Variants in FABP12 observed in about 807,000 individuals in gnomAD.
FABP12 encodes the protein fatty acid binding protein 12, also known as fatty acid-binding protein 12.
Under a neutral mutation model 13.7 loss-of-function variants are expected in FABP12, and 19 were observed. The ratio of observed to expected loss-of-function variants is 1.39; its 90% CI spans 0.97 to 2.04. The LOEUF is 2.04. FABP12 is among the 30% of genes most tolerant of loss of function. The probability of loss-of-function intolerance (pLI) is 0.00; values close to 1 mark genes in which losing one functional copy is unlikely to be tolerated. For synonymous variants in FABP12, 61 were observed against 57.0 expected (o/e 1.07, Z -0.32); for missense variants, 182 against 164.2 (o/e 1.11, Z -0.59).
chr8:81,561,485 C>T (rs1412449545), intron 1 of FABP12, among the ~76,000 whole-genome samples: 1 of 152,140 alleles, frequency 6.6e-6, no homozygotes, highest in Non-Finnish European at 1.5e-5. Flanking sequence ...GAACAACTAT[C>T]CACACATAAA....
intron 1 of FABP12, among the ~76,000 whole-genome samples, chr8:81,566,809 A>G (rs74798895): frequency 0.016 from 2,391 of 152,246 alleles, 55 homozygotes; most frequent in African/African-American, 0.054. Flanking sequence ...TCCTAGCTAG[A>G]GCAATCAGAC....
chr8:81,561,580 G>A lies in FABP12; in HGVS notation c.-184-21837C>T, dbSNP rs76649919. Among the ~76,000 whole-genome samples the A allele has an allele frequency of 9.2e-4, 140 of 152,318 alleles. 1 individual carries two copies. Among genetic ancestry groups the A allele is most frequent in the South Asian group, 8.1e-3 (39 of 4,820 alleles). ...ATCACTGAGAGAGGCACTGAAGAGGGTAGGAAAGACAGTCTTGAATCACCA... is the reference window on the plus strand; with the variant it reads ...ATCACTGAGAGAGGCACTGAAGAGGATAGGAAAGACAGTCTTGAATCACCA... On this transcript the variant is annotated intron_variant, in intron 1 of 5. Transcript: ENST00000692030.
Position 81,540,448 on chromosome 8 carries a change from G to A in FABP12, c.-184-705C>T, listed in dbSNP as rs928775400. 7.9e-5 allele frequency among the ~76,000 whole-genome samples: 12 copies of A among 152,316 alleles called. No homozygotes were observed. The South Asian group carries it at 1.0e-3, about 13-fold the overall frequency. ...CCCTCTGCTAGGATGCAATGAGAAG[G>A]CATTTCACTTCTGTGGTCTTCCTAA... On this transcript the variant is annotated intron_variant, in intron 1 of 5. Transcript: ENST00000692030.
chr8:81,570,803 GTGCGCACCAAT>G (rs1809915991), intron 1 of FABP12, among the ~76,000 whole-genome samples: 1 of 152,192 alleles, frequency 6.6e-6, no homozygotes, highest in Non-Finnish European at 1.5e-5. Context: ...AGGGGAGGAA[GTGCGCACCAAT>G]TGGTTTATGA....
Position 81,554,339 on chromosome 8 carries a change from A to G in FABP12, c.-184-14596T>C, listed in dbSNP as rs1240186666. On this transcript the variant is annotated intron_variant, in intron 1 of 5. Transcript: ENST00000692030. ...CTAGATGCCTTGCATAAATAAACCTATTTCAATCCCCTCAAAAACTGTGAG... is the reference window on the plus strand; with the variant it reads ...CTAGATGCCTTGCATAAATAAACCTGTTTCAATCCCCTCAAAAACTGTGAG... 5.3e-5 allele frequency among the ~76,000 whole-genome samples: 8 copies of G among 152,282 alleles called. No homozygotes were observed. In the East Asian group the frequency reaches 7.7e-4, roughly 15 times the overall value.
chr8:81,573,775 A>C (rs1166215479), intron 1 of FABP12, among the ~76,000 whole-genome samples: 1 of 152,082 alleles, frequency 6.6e-6, no homozygotes, highest in African/African-American at 2.4e-5. Flanking sequence ...GGTGTAATAG[A>C]AGAGCTACTG....
At chr8:81,577,863 T>C (rs1810079597) in intron 1 of FABP12, among the ~76,000 whole-genome samples, 1 of 152,250 alleles carries the variant, frequency 6.6e-6, no homozygotes, top group African/African-American at 2.4e-5. Context: ...CAATGTTTTG[T>C]GTTTAAATCT....
At chr8:81,525,017 A>T in exon 5 of FABP12, 1 of 1,452,014 alleles carries the variant, frequency 6.9e-7, no homozygotes, top group Non-Finnish European at 9.6e-7. Context: ...AAACAACCTC[A>T]GTAGTTTGGA....
At chr8:81,542,837 G>A (rs1233204099) in intron 1 of FABP12, among the ~76,000 whole-genome samples, 1 of 152,174 alleles carries the variant, frequency 6.6e-6, no homozygotes, top group Non-Finnish European at 1.5e-5. Flanking sequence ...ATAGAGATGA[G>A]ATTAATATCT....
At chr8:81,535,382 T>C (rs1809197137), upstream of FABP12, among the ~76,000 whole-genome samples, 1 of 152,190 alleles carries the variant, frequency 6.6e-6, no homozygotes, top group Non-Finnish European at 1.5e-5. Flanking sequence ...GGGTGCAGTT[T>C]CAGAAGCTTC....
At position 81,584,556 on chromosome 8, in the gene FABP12, G is replaced by A. The variant is rs537127596; in HGVS notation, c.-185+5497C>T. ...CACACAGCTGCATTGCCCTAGATTA[G>A]GAACACAAGGTGTGTGGCTTCCCAC... On this transcript the variant is annotated intron_variant, in intron 1 of 5. Transcript: ENST00000692030. Among the ~76,000 whole-genome samples the A allele has an allele frequency of 5.2e-4, 71 of 137,478 alleles. No homozygotes were observed. The South Asian group carries it at 0.017, about 33-fold the overall frequency. 90.2% of individuals were successfully genotyped at this position (137,478 alleles called of 152,430 possible).
intron 3 of FABP12, among the ~76,000 whole-genome samples, chr8:81,527,697 G>C (rs1034995767): frequency 3.3e-5 from 5 of 152,120 alleles, no homozygotes; most frequent in Non-Finnish European, 7.4e-5. Flanking sequence ...TGTGTAAGCA[G>C]AGTATTATCT....
At chr8:81,576,260 T>A (rs2130088884) in intron 1 of FABP12, among the ~76,000 whole-genome samples, 1 of 152,292 alleles carries the variant, frequency 6.6e-6, no homozygotes, top group East Asian at 1.9e-4. Flanking sequence ...GATTAGCATT[T>A]AGAGGGGGGC....
upstream of FABP12, among the ~76,000 whole-genome samples, chr8:81,537,763 G>A (rs1437036296): frequency 6.6e-6 from 1 of 152,182 alleles, no homozygotes; most frequent in African/African-American, 2.4e-5. Context: ...CACACCTGGA[G>A]GTGGGCAGTG....
intron 1 of FABP12, among the ~76,000 whole-genome samples, chr8:81,553,911 G>A (rs546521950): frequency 7.9e-5 from 12 of 152,138 alleles, no homozygotes; most frequent in Non-Finnish European, 1.5e-4. Flanking sequence ...CATAACAAGG[G>A]TTTCTTTCAC....
intron 1 of FABP12, among the ~76,000 whole-genome samples, chr8:81,576,504 C>T (rs370157801): frequency 2.6e-5 from 4 of 151,938 alleles, no homozygotes; most frequent in Non-Finnish European, 5.9e-5. Context: ...CACAAACACA[C>T]ACACACAAAC....
At chr8:81,562,597 C>T (rs1809743263) in intron 1 of FABP12, among the ~76,000 whole-genome samples, 1 of 152,038 alleles carries the variant, frequency 6.6e-6, no homozygotes, top group African/African-American at 2.4e-5. Flanking sequence ...ACTGAAGAGC[C>T]CTTGGGCCTT....
At chr8:81,538,216 TG>T (rs779241441), upstream of FABP12, among the ~76,000 whole-genome samples, 6 of 152,132 alleles carry the variant, frequency 3.9e-5, no homozygotes, top group Non-Finnish European at 7.4e-5. Flanking sequence ...ATGGAGGATC[TG>T]CCCCCACGAC....
chr8:81,570,301 C>T (rs561918496), intron 1 of FABP12, among the ~76,000 whole-genome samples: 154 of 152,300 alleles, frequency 1.0e-3, no homozygotes, highest in African/African-American at 3.6e-3. Context: ...GCAAGCGAGG[C>T]GCATGTTTCA....
Sources: allele counts gnomAD v4.1 joint callset (sites outside exome capture counted in the v4.1 genomes callset), GRCh38; gene constraint gnomAD v4.1.1; transcripts MANE v1.5; gene names NCBI Gene and HGNC (gene_info 2026-07-23, HGNC 2026-07-21).